Variants in VDAC1 observed in about 807,000 individuals in gnomAD.
VDAC1 encodes voltage dependent anion channel 1, also known as non-selective voltage-gated ion channel VDAC1.
VDAC1 carries 10 observed loss-of-function variants against 34.7 expected under a neutral mutation model. The observed-to-expected ratio is 0.29, with a 90% CI of 0.18 to 0.49. The LOEUF is 0.49. Among genes scored for constraint, VDAC1 ranks in the 20% least tolerant of loss-of-function variants. VDAC1 has a pLI of 0.99. For missense variants in VDAC1, 230 were observed against 347.9 expected (o/e 0.66, Z 2.69); for synonymous variants, 130 against 136.0 (o/e 0.96, Z 0.30).
At chr5:133,972,961 T>G (rs1752354640) in intron 8 of VDAC1, 99 bp from the exon 9 acceptor site, 1 of 993,226 alleles carries the variant, frequency 1.0e-6, no homozygotes, top group East Asian at 2.5e-5. Context: ...CCAGGTATTA[T>G]CAGCAGGGTC....
At chr5:133,992,466 C>A in intron 2 of VDAC1, 111 bp from the exon 3 acceptor site, 1 of 749,480 alleles carries the variant, frequency 1.3e-6, no homozygotes, top group Non-Finnish European at 2.0e-6. Context: ...ACACTCCTGC[C>A]ACAGGGGCTG....
At chr5:134,016,546 C>T in the VDAC1 span, among the ~76,000 whole-genome samples, 1 of 152,228 alleles carries the variant, frequency 6.6e-6, no homozygotes, top group African/African-American at 2.4e-5. Context: ...GAAAATGGAG[C>T]TGTCGCTTCC....
At chr5:134,033,250 C>T in the VDAC1 span, among the ~76,000 whole-genome samples, 19 of 150,654 alleles carry the variant, frequency 1.3e-4, no homozygotes, top group Non-Finnish European at 7.4e-5. Flanking sequence ...CTCCACCTCC[C>T]GGGTTCAAGC....
At chr5:134,053,405 T>G in the VDAC1 span, among the ~76,000 whole-genome samples, 4 of 152,314 alleles carry the variant, frequency 2.6e-5, no homozygotes, top group East Asian at 5.8e-4. Flanking sequence ...TTTTGTCAGT[T>G]TGCTGTGGGT....
At chr5:134,093,730 G>T in the VDAC1 span, among the ~76,000 whole-genome samples, 1 of 152,246 alleles carries the variant, frequency 6.6e-6, no homozygotes, top group African/African-American at 2.4e-5. Context: ...GTACAGGTCA[G>T]CCCTGAGCAT....
At position 133,992,988 on chromosome 5, in the gene VDAC1, C is replaced by G. The variant is rs1430885311; in HGVS notation, c.25G>C (p.Asp9His). 1 of 1,613,356 alleles carries G rather than the reference C, an allele frequency of 6.2e-7. No homozygotes were observed. The highest frequency in any genetic ancestry group is 8.5e-7 in the Non-Finnish European group (1 of 1,179,632). Reference protein sequence around the residue: MAVPPTYADLGKSARDVFT... With the variant: MAVPPTYAHLGKSARDVFT... Reference sequence around the variant, plus strand: ...ACATCCCTGGCAGATTTGCCAAGATCGGCATACGTGGGTGGCACAGCCATC... The same window carrying G: ...ACATCCCTGGCAGATTTGCCAAGATGGGCATACGTGGGTGGCACAGCCATC... Residue 9 changes from aspartate to histidine, a missense_variant, in exon 2 of 9, where the codon GAT becomes CAT. Asp to His is a moderately conservative substitution (Grantham distance 81, BLOSUM62 -1). Coordinates refer to ENST00000265333, the MANE Select transcript of VDAC1 (RefSeq NM_003374.3).
chr5:134,069,873 A>T, the VDAC1 span, among the ~76,000 whole-genome samples: 3 of 152,146 alleles, frequency 2.0e-5, no homozygotes, highest in African/African-American at 4.8e-5. Context: ...GATAAAACAG[A>T]TTGCAGCAAA....
chr5:134,038,907 C>G, the VDAC1 span, among the ~76,000 whole-genome samples: 6 of 103,726 alleles, frequency 5.8e-5, no homozygotes, highest in Non-Finnish European at 1.1e-4. Flanking sequence ...CATTTTGTGT[C>G]TATCATTGAG....
At chr5:133,988,745 C>G (rs1223885161) in intron 5 of VDAC1, 5 of 148,064 alleles carry the variant, frequency 3.4e-5, no homozygotes, top group Non-Finnish European at 7.4e-5. Context: ...GCCTGGGCGA[C>G]AGAGCAAGAC....
upstream of VDAC1, among the ~76,000 whole-genome samples, chr5:134,006,817 C>G (rs1753763210): frequency 6.6e-6 from 1 of 150,852 alleles, no homozygotes; most frequent in Non-Finnish European, 1.5e-5. Flanking sequence ...CCCTGGGCCC[C>G]TTCGCCAGCT....
the VDAC1 span, among the ~76,000 whole-genome samples, chr5:134,062,703 T>C: frequency 7.2e-5 from 11 of 151,864 alleles, no homozygotes; most frequent in Non-Finnish European, 1.3e-4. Context: ...CTCGGCTCAC[T>C]GCAACCTCTA....
chr5:133,989,958 G>A (rs974176935), intron 5 of VDAC1, among the ~76,000 whole-genome samples: 5 of 152,150 alleles, frequency 3.3e-5, no homozygotes, highest in Admixed American at 6.5e-5. Flanking sequence ...CACCACGCCC[G>A]GCCCACAATT....
the VDAC1 span, among the ~76,000 whole-genome samples, chr5:134,013,956 G>A: frequency 6.9e-6 from 1 of 144,536 alleles, no homozygotes; most frequent in African/African-American, 2.6e-5. Flanking sequence ...CCCACCCCCC[G>A]AAAAAAAGTG....
At chr5:134,112,410 C>T in the VDAC1 span, among the ~76,000 whole-genome samples, 2 of 152,216 alleles carry the variant, frequency 1.3e-5, no homozygotes, top group African/African-American at 4.8e-5. Flanking sequence ...CTTAGCAAGC[C>T]TTCAGACTGA....
chr5:134,084,166 A>T, the VDAC1 span, among the ~76,000 whole-genome samples: 1 of 152,194 alleles, frequency 6.6e-6, no homozygotes, highest in African/African-American at 2.4e-5. Context: ...ATAGCTAGGG[A>T]TCAGGTTGGC....
At chr5:134,046,756 T>C in the VDAC1 span, among the ~76,000 whole-genome samples, 1 of 152,184 alleles carries the variant, frequency 6.6e-6, no homozygotes, top group Non-Finnish European at 1.5e-5. Flanking sequence ...GCTTGTCTCC[T>C]AAAAAATGTT....
At chr5:134,033,706 A>G in the VDAC1 span, among the ~76,000 whole-genome samples, 1 of 151,406 alleles carries the variant, frequency 6.6e-6, no homozygotes, top group Non-Finnish European at 1.5e-5. Context: ...AAGAGTCGAA[A>G]TATAGGCCGG....
At chr5:134,096,000 C>G in the VDAC1 span, among the ~76,000 whole-genome samples, 1 of 152,246 alleles carries the variant, frequency 6.6e-6, no homozygotes. Context: ...TTCACCCTCC[C>G]GCTCTCAGCT....
chr5:134,076,353 A>G, the VDAC1 span, among the ~76,000 whole-genome samples: 1 of 152,114 alleles, frequency 6.6e-6, no homozygotes, highest in African/African-American at 2.4e-5. Flanking sequence ...GGCCTTCCTG[A>G]GTCCCCCAGA....
Sources: gnomAD v4.1 joint callset for allele counts (sites outside exome capture counted in the v4.1 genomes callset) on GRCh38, gnomAD v4.1.1 for gene constraint, MANE v1.5 for transcripts, NCBI Gene and HGNC (gene_info 2026-07-23, HGNC 2026-07-21) for gene names.